Variants in PAPPA observed in about 807,000 individuals in gnomAD.
PAPPA encodes the protein pappalysin-1.
Under a neutral mutation model 164.0 loss-of-function variants are expected in PAPPA, and 60 were observed. That is an observed-to-expected ratio of 0.37 (90% CI 0.30 to 0.45). The LOEUF is 0.45. Ranked by LOEUF, PAPPA falls within the 20% of genes least tolerant of loss-of-function variation. The probability of loss-of-function intolerance (pLI) is 1.00; values close to 1 mark genes in which losing one functional copy is unlikely to be tolerated. For synonymous variants in PAPPA, 875 were observed against 814.1 expected (o/e 1.07, Z -1.27); for missense variants, 1,782 against 2,087.3 (o/e 0.85, Z 2.85).
At position 116,187,469 on chromosome 9, in the gene PAPPA, C is replaced by T; in HGVS notation, c.731C>T (p.Ala244Val). Reference sequence around the variant, plus strand: ...AAAGTGCTCATGTTAGGGGGCAGTGCCCTGAATCACAACTACCGGGGCTAC... The same window carrying T: ...AAAGTGCTCATGTTAGGGGGCAGTGTCCTGAATCACAACTACCGGGGCTAC... ...KCKVLMLGGS[A>V]LNHNYRGYIE... The change falls in exon 2 of 22, where the codon GCC becomes GTC. Residue 244 changes from alanine (A) to valine (V), a missense_variant. Physicochemically the swap from Ala to Val is moderately conservative, Grantham distance 64. Around this residue, in one of 2 missense-constraint regions of PAPPA, gnomAD observed 458 missense variants for 430.3 expected, o/e 1.06. Coordinates refer to ENST00000328252, the MANE Select transcript of PAPPA (RefSeq NM_002581.5). The surrounding 1 kb of genome is among the most constrained non-coding windows in gnomAD (Gnocchi z 4.2). 6.2e-7 allele frequency: 1 copy of T among 1,614,178 alleles called. No individual in the cohort carries two copies. Among genetic ancestry groups the T allele is most frequent in the Non-Finnish European group, 8.5e-7 (1 of 1,180,040 alleles).
At chr9:116,205,069 CT>C (rs61708820) in intron 2 of PAPPA, among the ~76,000 whole-genome samples, 3,915 of 141,874 alleles carry the variant, frequency 0.028, 156 homozygotes, top group African/African-American at 0.083. Context: ...TGTGTTGTTG[CT>C]TTTTTTTTTT....
At chr9:116,222,932 A>C (rs1343986837) in intron 5 of PAPPA, among the ~76,000 whole-genome samples, 2 of 152,254 alleles carry the variant, frequency 1.3e-5, no homozygotes, top group East Asian at 3.8e-4. Context: ...ATATATCAAA[A>C]CATCTTACTG....
At chr9:116,205,904 A>G (rs2118672092) in intron 2 of PAPPA, among the ~76,000 whole-genome samples, 1 of 152,276 alleles carries the variant, frequency 6.6e-6, no homozygotes, top group South Asian at 2.1e-4. Flanking sequence ...TTCAAAACCT[A>G]GGGCTGTAGC....
intron 4 of PAPPA, among the ~76,000 whole-genome samples, chr9:116,214,165 T>C (rs1347622663): frequency 1.3e-5 from 2 of 152,176 alleles, no homozygotes; most frequent in Non-Finnish European, 2.9e-5. Context: ...AACTGAACGA[T>C]TGAAATACAA....
At chr9:116,261,430 G>T (rs1844999671) in intron 7 of PAPPA, among the ~76,000 whole-genome samples, 1 of 152,020 alleles carries the variant, frequency 6.6e-6, no homozygotes, top group Non-Finnish European at 1.5e-5. Context: ...CCTCCTATAT[G>T]ACTTTTTTGT....
chr9:116,207,496 T>C lies in PAPPA; in HGVS notation c.1519T>C (p.Leu507=), dbSNP rs748284242. The part of the protein sequence containing the change: ...DVNELKNILK[L]DGSTHLNIFF... ...TAATGAGCTGAAGAACATTCTTAAA[T>C]TGGATGGATCAACACATCTCAATAT... The change falls in exon 3 of 22, where the codon TTG becomes CTG. Residue 507 remains leucine (L), a synonymous_variant. Coordinates refer to ENST00000328252, the MANE Select transcript of PAPPA (RefSeq NM_002581.5). 14 of 1,613,178 alleles carry C rather than the reference T, an allele frequency of 8.7e-6. No homozygotes were observed. In the East Asian group the frequency reaches 2.9e-4, roughly 33 times the overall value.
intron 5 of PAPPA, among the ~76,000 whole-genome samples, chr9:116,223,364 A>G (rs1844468164): frequency 6.6e-6 from 1 of 152,182 alleles, no homozygotes; most frequent in South Asian, 2.1e-4. Context: ...TTTAATTTAT[A>G]TTTCATAAAG....
At position 116,177,490 on chromosome 9, in the gene PAPPA, T is replaced by C. The variant is rs537412679; in HGVS notation, c.416-9664T>C. Among the ~76,000 whole-genome samples the C allele has an allele frequency of 9.9e-4, 151 of 152,308 alleles. 1 individual carries two copies. The highest frequency in any genetic ancestry group is 3.5e-3 in the African/African-American group (146 of 41,564). On this transcript the variant is annotated intron_variant, in intron 1 of 21. Coordinates refer to ENST00000328252, the MANE Select transcript of PAPPA (RefSeq NM_002581.5). Reference sequence around the variant, plus strand: ...ATTTGTTAAAATGTTGTACAGATGATTCAAATATGAGGTTAGGTGTGAAAG... The same window carrying C: ...ATTTGTTAAAATGTTGTACAGATGACTCAAATATGAGGTTAGGTGTGAAAG...
At chr9:116,219,206 G>A (rs775244031) in intron 4 of PAPPA, among the ~76,000 whole-genome samples, 1 of 152,264 alleles carries the variant, frequency 6.6e-6, no homozygotes, top group African/African-American at 2.4e-5. Flanking sequence ...CACCCATGCC[G>A]TCTTCCTCGC....
At chr9:116,232,425 T>G (rs1259177989) in intron 6 of PAPPA, among the ~76,000 whole-genome samples, 1 of 152,200 alleles carries the variant, frequency 6.6e-6, no homozygotes, top group Non-Finnish European at 1.5e-5. Flanking sequence ...AACATTACAG[T>G]AGGTAACACA....
intron 9 of PAPPA, among the ~76,000 whole-genome samples, chr9:116,282,421 AC>A (rs1247829978): frequency 2.0e-5 from 3 of 152,142 alleles, no homozygotes; most frequent in African/African-American, 7.2e-5. Flanking sequence ...ATATATTTCC[AC>A]CCTTTTTCCA....
At chr9:116,174,089 G>A (rs558327831) in intron 1 of PAPPA, among the ~76,000 whole-genome samples, 1 of 152,266 alleles carries the variant, frequency 6.6e-6, no homozygotes, top group Non-Finnish European at 1.5e-5. Flanking sequence ...GTAAAATGGT[G>A]ATAATAATAA....
intron 13 of PAPPA, among the ~76,000 whole-genome samples, chr9:116,339,970 G>A (rs558953571): frequency 6.6e-6 from 1 of 152,240 alleles, no homozygotes; most frequent in South Asian, 2.1e-4. Flanking sequence ...ATATAGATAA[G>A]AAGAAAAGAA....
intron 2 of PAPPA, among the ~76,000 whole-genome samples, chr9:116,197,791 G>C (rs930165539): frequency 6.6e-6 from 1 of 152,172 alleles, no homozygotes; most frequent in Non-Finnish European, 1.5e-5. Context: ...TTTTGCCTAA[G>C]GTTAGGTGAT....
Position 116,271,310 on chromosome 9 carries a change from A to G in PAPPA, c.2862-15A>G. 1 of 1,600,296 alleles carries G rather than the reference A, an allele frequency of 6.2e-7. No individual in the cohort carries two copies. The highest frequency in any genetic ancestry group is 1.1e-5 in the South Asian group (1 of 90,648). On this transcript the variant is annotated splice_polypyrimidine_tract_variant and intron_variant, in intron 8 of 21. Transcript: ENST00000328252. The surrounding 1 kb of genome is among the most constrained non-coding windows in gnomAD (Gnocchi z 4.2). ...GACTAAATTGGCAAATTTCTCTTCC[A>G]TATCTGCTCTGCAGAGACCAAGGTG...
At chr9:116,251,950 TATAA>T (rs1320375456) in intron 7 of PAPPA, among the ~76,000 whole-genome samples, 1 of 152,234 alleles carries the variant, frequency 6.6e-6, no homozygotes, top group Non-Finnish European at 1.5e-5. Flanking sequence ...CTGGATCTTT[TATAA>T]TTTCCACATT....
chr9:116,178,504 C>T (rs1281677211), intron 1 of PAPPA, among the ~76,000 whole-genome samples: 1 of 152,150 alleles, frequency 6.6e-6, no homozygotes, highest in African/African-American at 2.4e-5. Flanking sequence ...ACTAAATCCT[C>T]GAAATGGCAC....
At chr9:116,376,588 C>A (rs1419514130) in intron 19 of PAPPA, among the ~76,000 whole-genome samples, 1 of 152,048 alleles carries the variant, frequency 6.6e-6, no homozygotes, top group Non-Finnish European at 1.5e-5. Context: ...TAAGATAATG[C>A]ATACAGTAAT....
intron 4 of PAPPA, among the ~76,000 whole-genome samples, chr9:116,214,800 C>G (rs1472219580): frequency 6.6e-6 from 1 of 152,290 alleles, no homozygotes; most frequent in East Asian, 1.9e-4. Flanking sequence ...CCTACAGGAG[C>G]AAGTGTCCTG....
Sources: allele counts gnomAD v4.1 joint callset (sites outside exome capture counted in the v4.1 genomes callset), GRCh38; gene constraint gnomAD v4.1.1; regional missense constraint gnomAD v4.1.1; non-coding constraint Gnocchi (gnomAD v3.1); transcripts MANE v1.5; gene names NCBI Gene and HGNC (gene_info 2026-07-23, HGNC 2026-07-21).